MCM10: variants seen among roughly 807,000 people sequenced by gnomAD.
The protein encoded by MCM10 is minichromosome maintenance 10 replication initiation factor.
MCM10 carries 91 observed loss-of-function variants against 109.9 expected under a neutral mutation model. That is an observed-to-expected ratio of 0.83 (90% CI 0.70 to 0.99). The LOEUF (loss-of-function observed/expected upper bound fraction) is 0.99, where lower values mean the gene tolerates loss of function less well. Among genes scored for constraint, MCM10 ranks in the 50% least tolerant of loss-of-function variants. The pLI, the probability that MCM10 is intolerant of heterozygous loss-of-function variation, is 0.00. For synonymous variants in MCM10, 380 were observed against 387.2 expected (o/e 0.98, Z 0.22); for missense variants, 1,077 against 1,061.2 (o/e 1.01, Z -0.21).
At chr10:13,176,189 G>A (rs141794145) in intron 6 of MCM10, among the ~76,000 whole-genome samples, 12 of 152,036 alleles carry the variant, frequency 7.9e-5, no homozygotes, top group Admixed American at 7.2e-4. Context: ...TAGCTATGCT[G>A]TTTTTCTTTC....
chr10:13,182,977 G>C lies in MCM10; in HGVS notation c.975G>C (p.Leu325=), dbSNP rs376373513. 9 of 1,613,990 alleles carry C rather than the reference G, an allele frequency of 5.6e-6. No homozygotes were observed. Among genetic ancestry groups the C allele is most frequent in the Non-Finnish European group, 6.8e-6 (8 of 1,180,006 alleles). ...GGAAACTGAATGATCTTCGTGACCT[G>C]ACACAATGTGTGTCCTTGTTCTTAT... ...SIWKLNDLRD[L]TQCVSLFLFG... is the part of the protein sequence containing the mutation. The change falls in exon 8 of 20, where the codon CTG becomes CTC. Residue 325 remains leucine, a synonymous_variant. Coordinates refer to ENST00000378714, the MANE Select transcript of MCM10 (RefSeq NM_018518.5). The surrounding 1 kb of genome is among the most constrained non-coding windows in gnomAD (Gnocchi z 4.2).
intron 8 of MCM10, among the ~76,000 whole-genome samples, chr10:13,184,043 G>A (rs1588471748): frequency 6.6e-6 from 1 of 152,058 alleles, no homozygotes; most frequent in African/African-American, 2.4e-5. Context: ...ATTTTTATTA[G>A]AGACGAGTTT....
chr10:13,209,629 A>T lies in MCM10; in HGVS notation c.*319A>T. ...AGCTATGTTTCTGTATCTTTTGGTTATAGAGTGTTCACTTCTTTATCATAA... is the reference window on the plus strand; with the variant it reads ...AGCTATGTTTCTGTATCTTTTGGTTTTAGAGTGTTCACTTCTTTATCATAA... On this transcript the variant is annotated 3_prime_UTR_variant, in exon 20 of 20. Transcript: ENST00000378714. The T allele has an allele frequency of 2.8e-6, 1 of 351,408 alleles. No individual in the cohort carries two copies. Among genetic ancestry groups the T allele is most frequent in the East Asian group, 6.1e-5 (1 of 16,358 alleles). The allele number at this position is 351,408 out of a possible 1,614,324, so 21.8% of individuals were successfully genotyped here.
chr10:13,168,047 C>T (rs1028786922), intron 2 of MCM10, among the ~76,000 whole-genome samples: 3 of 152,168 alleles, frequency 2.0e-5, no homozygotes, highest in Non-Finnish European at 4.4e-5. Context: ...CCCTCGTTCT[C>T]TTGTGAAGGG....
At chr10:13,201,304 T>C in intron 16 of MCM10, 117 bp from the exon 17 acceptor site, 1 of 697,074 alleles carries the variant, frequency 1.4e-6, no homozygotes. Context: ...TCCATTCTGT[T>C]CTGTTTTGAT....
intron 1 of MCM10, among the ~76,000 whole-genome samples, chr10:13,162,896 G>A (rs548020438): frequency 6.6e-6 from 1 of 152,186 alleles, no homozygotes; most frequent in South Asian, 2.1e-4. Flanking sequence ...TGGCTAATAC[G>A]GTGAAACCCC....
chr10:13,209,349 C>T lies in MCM10; in HGVS notation c.*39C>T. The T allele has an allele frequency of 1.3e-6, 2 of 1,503,178 alleles. No homozygotes were observed. Among genetic ancestry groups the T allele is most frequent in the East Asian group, 2.3e-5 (1 of 44,276 alleles). The allele number at this position is 1,503,178 out of a possible 1,614,324, so 93.1% of individuals were successfully genotyped here. A position where few individuals can be genotyped will look rare whatever the true frequency, so the allele number is the denominator to read the frequency against. On this transcript the variant is annotated 3_prime_UTR_variant, in exon 20 of 20. Coordinates refer to ENST00000378714, the MANE Select transcript of MCM10 (RefSeq NM_018518.5). The stretch of plus-strand genomic sequence containing the variant: ...CATTTTCCCACAGACTTCCTGGCCT[C>T]CTGTGACTCTGGAAAGCAAAGGATT...
At chr10:13,181,999 A>C (rs962040819) in intron 7 of MCM10, among the ~76,000 whole-genome samples, 3 of 152,186 alleles carry the variant, frequency 2.0e-5, no homozygotes, top group African/African-American at 2.4e-5. Flanking sequence ...TTTAAAAACA[A>C]CCGTAAAAGT....
At chr10:13,199,142 A>G (rs953935945) in intron 16 of MCM10, among the ~76,000 whole-genome samples, 2 of 152,166 alleles carry the variant, frequency 1.3e-5, no homozygotes, top group African/African-American at 4.8e-5. Context: ...GTGATCCTCC[A>G]GCCTTGGCCT....
At chr10:13,193,777 C>A (rs534572254) in intron 13 of MCM10, among the ~76,000 whole-genome samples, 1 of 152,134 alleles carries the variant, frequency 6.6e-6, no homozygotes, top group East Asian at 1.9e-4. Flanking sequence ...TTGGGGGCCT[C>A]GTGGGAAATA....
intron 5 of MCM10, among the ~76,000 whole-genome samples, chr10:13,174,972 T>A (rs1364563263): frequency 6.6e-6 from 1 of 151,544 alleles, no homozygotes; most frequent in African/African-American, 2.4e-5. Flanking sequence ...CTACTAAAAA[T>A]ACAAAATTAG....
chr10:13,166,565 G>A (rs1215026192), intron 2 of MCM10, among the ~76,000 whole-genome samples: 1 of 150,844 alleles, frequency 6.6e-6, no homozygotes, highest in Non-Finnish European at 1.5e-5. Context: ...AACCTGGGAG[G>A]TGAAGGTTGC....
chr10:13,162,941 T>A lies in MCM10; in HGVS notation c.-75-1187T>A, dbSNP rs549887778. ...AAAAATACAAAAAATTAGCCGGGCG[T>A]GGTGGCGGGCGCCTGTAGTCCCAGC... On this transcript the variant is annotated intron_variant, in intron 1 of 19. Coordinates refer to ENST00000378714, the MANE Select transcript of MCM10 (RefSeq NM_018518.5). Among the ~76,000 whole-genome samples, 800 of 151,880 alleles carry A rather than the reference T, an allele frequency of 5.3e-3. 9 individuals are homozygous for A. Among genetic ancestry groups the A allele is most frequent in the African/African-American group, 0.019 (779 of 41,384 alleles).
chr10:13,162,586 C>T (rs1383773766), intron 1 of MCM10, among the ~76,000 whole-genome samples: 1 of 152,092 alleles, frequency 6.6e-6, no homozygotes, highest in Non-Finnish European at 1.5e-5. Context: ...GGAGATGGGA[C>T]CACAGTACTT....
chr10:13,208,955 C>A, intron 18 of MCM10, 136 bp from the exon 19 acceptor site: 1 of 697,432 alleles, frequency 1.4e-6, no homozygotes, highest in South Asian at 1.7e-5. Flanking sequence ...TCAGATTTGG[C>A]ATACAATACG....
intron 6 of MCM10, among the ~76,000 whole-genome samples, 177 bp from the exon 7 acceptor site, chr10:13,180,265 A>G (rs55920363): frequency 0.022 from 3,332 of 151,004 alleles, 60 homozygotes; most frequent in South Asian, 0.076. Flanking sequence ...AAAAAAAAAA[A>G]GAATTATTTA....
At chr10:13,163,611 G>A (rs117194846) in intron 1 of MCM10, among the ~76,000 whole-genome samples, 24 of 141,608 alleles carry the variant, frequency 1.7e-4, no homozygotes, top group Admixed American at 9.2e-4. Flanking sequence ...GTAAGCTGTC[G>A]TGGATAACGC....
chr10:13,186,022 A>G, intron 8 of MCM10, 142 bp from the exon 9 acceptor site: 1 of 569,624 alleles, frequency 1.8e-6, no homozygotes. Context: ...TCGGCCTCCC[A>G]GAGTGCTAGG....
chr10:13,201,588 G>A, intron 17 of MCM10, 54 bp downstream of exon 17: 1 of 1,296,904 alleles, frequency 7.7e-7, no homozygotes, highest in Non-Finnish European at 1.1e-6. Context: ...GTGCTTTTGT[G>A]ACTCGGCAGC....
Sources: gnomAD v4.1 joint callset for allele counts (sites outside exome capture counted in the v4.1 genomes callset) on GRCh38, gnomAD v4.1.1 for gene constraint, Gnocchi (gnomAD v3.1) non-coding constraint, MANE v1.5 for transcripts, NCBI Gene and HGNC (gene_info 2026-07-23, HGNC 2026-07-21) for gene names.